The following ZNF513 variants were observed in gnomAD, a reference collection of about 807,000 sequenced individuals.
ZNF513 encodes zinc finger protein 513.
Under a neutral mutation model 39.7 loss-of-function variants are expected in ZNF513, and 16 were observed. The ratio of observed to expected loss-of-function variants is 0.40; its 90% CI spans 0.27 to 0.61. ZNF513 has a LOEUF of 0.61. ZNF513 is among the 20% of genes least tolerant of loss of function. The pLI, the probability that ZNF513 is intolerant of heterozygous loss-of-function variation, is 0.39. For missense variants in ZNF513, 699 were observed against 743.6 expected (o/e 0.94, Z 0.70); for synonymous variants, 348 against 296.5 (o/e 1.17, Z -1.79).
Position 27,377,591 on chromosome 2 carries a change from G to A in ZNF513, c.1580C>T (p.Ala527Val), listed in dbSNP as rs771161261. 6.2e-7 allele frequency: 1 copy of A among 1,614,104 alleles called. No individual in the cohort carries two copies. Among genetic ancestry groups the A allele is most frequent in the Non-Finnish European group, 8.5e-7 (1 of 1,180,044 alleles). ...PSVLSSRGPP[A>V]LGTAGSRAVH... The stretch of plus-strand genomic sequence containing the variant: ...AGCCCGGCTGCCAGCAGTCCCCAGG[G>A]CTGGTGGGCCCCGAGAGCTCAAAAC... Residue 527 changes from alanine (A) to valine (V), a missense_variant, in exon 4 of 4, where the codon GCC becomes GTC. Physicochemically the swap from Ala to Val is moderately conservative, Grantham distance 64 (BLOSUM62 0). Transcript: ENST00000323703. The surrounding 1 kb of genome is among the most constrained non-coding windows in gnomAD (Gnocchi z 4.4).
At position 27,378,744 on chromosome 2, in the gene ZNF513, T is replaced by G; in HGVS notation, c.522A>C (p.Gly174=). The G allele has an allele frequency of 6.2e-7, 1 of 1,613,998 alleles. No homozygotes were observed. Among genetic ancestry groups the G allele is most frequent in the South Asian group, 1.1e-5 (1 of 91,088 alleles). The change falls in exon 3 of 4, where the codon GGA becomes GGC. Residue 174 remains glycine (G), a synonymous_variant. Transcript: ENST00000323703. This position sits in a 1 kb window ranked among gnomAD's most constrained non-coding sequence, Gnocchi z 8.0. ...HLKRHMQTHS[G]EKPFRCGRCP... is the part of the protein sequence containing the mutation. ...AGCGGCCACAGCGGAACGGCTTCTCTCCGCTGTGTGTCTGCATGTGCCGCT... is the reference window on the plus strand; with the variant it reads ...AGCGGCCACAGCGGAACGGCTTCTCGCCGCTGTGTGTCTGCATGTGCCGCT...
At chr2:27,379,109 ACT>A (rs1383201714) in intron 2 of ZNF513, 55 bp from the exon 3 acceptor site, 10 of 1,558,138 alleles carry the variant, frequency 6.4e-6, no homozygotes, top group Admixed American at 1.7e-5. Flanking sequence ...CAGGCTCCAA[ACT>A]CTCCCCTTTT....
rs748869738 is a variant in ZNF513 at position 27,379,005 on chromosome 2, A to G, written c.261T>C (p.Asp87=). Residue 87 remains aspartate, a synonymous_variant, in exon 3 of 4, where the codon GAT becomes GAC. Coordinates refer to ENST00000323703, the MANE Select transcript of ZNF513 (RefSeq NM_144631.6). Reference sequence around the variant, plus strand: ...TTAGTGCCCGGCCGCCCCCAGACTCATCGTCGCTCAGCCCATAGGGAAGCC... The same window carrying G: ...TTAGTGCCCGGCCGCCCCCAGACTCGTCGTCGCTCAGCCCATAGGGAAGCC... ...RPGLPYGLSD[D]ESGGGRALSA... The G allele has an allele frequency of 3.1e-6, 5 of 1,613,104 alleles. No homozygotes were observed. The highest frequency in any genetic ancestry group is 2.2e-5 in the East Asian group (1 of 44,866).
chr2:27,378,708 G>C lies in ZNF513; in HGVS notation c.558C>G (p.Ala186=). The C allele has an allele frequency of 6.2e-7, 1 of 1,613,954 alleles. No homozygotes were observed. The highest frequency in any genetic ancestry group is 8.5e-7 in the Non-Finnish European group (1 of 1,179,978). ...KPFRCGRCPY[A]SAQLVNLTRH... ...GTGTCAGGTTGACGAGCTGGGCTGA[G>C]GCGTAGGGGCAGCGGCCACAGCGGA... is the stretch of plus-strand genomic sequence containing the variant. The change falls in exon 3 of 4, where the codon GCC becomes GCG. Residue 186 remains alanine (A), a synonymous_variant. Transcript: ENST00000323703. This position sits in a 1 kb window ranked among gnomAD's most constrained non-coding sequence, Gnocchi z 8.0.
rs949818559 is a variant in ZNF513, at chr2:27,377,293, G to T, written c.*252C>A. Reference sequence around the variant, plus strand: ...AATAAGTTAAATAAACAGGTGGGAGGCTGGGCAGTCCCCCAGCCGGTTTGT... The same window carrying T: ...AATAAGTTAAATAAACAGGTGGGAGTCTGGGCAGTCCCCCAGCCGGTTTGT... On this transcript the variant is annotated 3_prime_UTR_variant, in exon 4 of 4. Coordinates refer to ENST00000323703, the MANE Select transcript of ZNF513 (RefSeq NM_144631.6). This position sits in a 1 kb window ranked among gnomAD's most constrained non-coding sequence, Gnocchi z 4.4. The T allele has an allele frequency of 1.9e-5, 12 of 639,050 alleles. No individual in the cohort carries two copies. The highest frequency in any genetic ancestry group is 3.4e-5 in the Non-Finnish European group (12 of 355,656). The allele number at this position is 639,050 out of a possible 1,614,324, so 39.6% of individuals were successfully genotyped here. A position where few individuals can be genotyped will look rare whatever the true frequency, so the allele number is the denominator to read the frequency against.
intron 2 of ZNF513, 78 bp from the exon 3 acceptor site, chr2:27,379,132 C>A: frequency 1.4e-6 from 2 of 1,418,078 alleles, no homozygotes; most frequent in South Asian, 1.2e-5. Flanking sequence ...CACTTATGGT[C>A]TCCCCACTTG....
chr2:27,377,670 C>T lies in ZNF513; in HGVS notation c.1501G>A (p.Gly501Arg). Residue 501 changes from glycine to arginine, a missense_variant, in exon 4 of 4, where the codon GGG becomes AGG. Around this residue, in one of 3 missense-constraint regions of ZNF513, gnomAD observed 71 missense variants for 64.1 expected, o/e 1.11. Transcript: ENST00000323703. This position sits in a 1 kb window ranked among gnomAD's most constrained non-coding sequence, Gnocchi z 4.4. ...CCCTCAGAGGCAGAGAGACCAGGCCCTCCTGCCCCACCGTGGCCATGCACC... is the reference window on the plus strand; with the variant it reads ...CCCTCAGAGGCAGAGAGACCAGGCCTTCCTGCCCCACCGTGGCCATGCACC... ...QKVHGHGGAG[G>R]PGLSASEGWA... is the part of the protein sequence containing the mutation. 6.2e-7 allele frequency: 1 copy of T among 1,614,150 alleles called. No individual in the cohort carries two copies. The highest frequency in any genetic ancestry group is 8.5e-7 in the Non-Finnish European group (1 of 1,180,032).
chr2:27,378,933 G>T lies in ZNF513; in HGVS notation c.333C>A (p.Ala111=). ...VEEPARGPGE[A]RGERPGPACQ... The stretch of plus-strand genomic sequence containing the variant: ...AGGCTGGGCCTGGCCTCTCACCCCT[G>T]GCCTCCCCTGGACCCCTGGCTGGCT... The change falls in exon 3 of 4, where the codon GCC becomes GCA. Residue 111 remains alanine, a synonymous_variant. Coordinates refer to ENST00000323703, the MANE Select transcript of ZNF513 (RefSeq NM_144631.6). This position sits in a 1 kb window ranked among gnomAD's most constrained non-coding sequence, Gnocchi z 8.0. 6.2e-7 allele frequency: 1 copy of T among 1,609,538 alleles called. No homozygotes were observed. Among genetic ancestry groups the T allele is most frequent in the South Asian group, 1.1e-5 (1 of 90,750 alleles).
chr2:27,377,417 C>CAG lies in ZNF513; in HGVS notation c.*127_*128insCT. On this transcript the variant is annotated 3_prime_UTR_variant, in exon 4 of 4. Coordinates refer to ENST00000323703, the MANE Select transcript of ZNF513 (RefSeq NM_144631.6). This position sits in a 1 kb window ranked among gnomAD's most constrained non-coding sequence, Gnocchi z 4.4. ...CAAGGTCCCCTGGTCCATATGGGCC[C>CAG]CCCCGCCCATGGGGTTGGGCTGGTC... The CAG allele has an allele frequency of 9.6e-7, 1 of 1,041,080 alleles. No individual in the cohort carries two copies. Among genetic ancestry groups the CAG allele is most frequent in the Admixed American group, 2.0e-5 (1 of 50,778 alleles). The allele number at this position is 1,041,080 out of a possible 1,614,324, so 64.5% of individuals were successfully genotyped here. A position where few individuals can be genotyped will look rare whatever the true frequency, so the allele number is the denominator to read the frequency against.
rs758258701 is a variant in ZNF513 at position 27,377,644 on chromosome 2, G to A, written c.1527C>T (p.Gly509=). 4.3e-6 allele frequency: 7 copies of A among 1,614,154 alleles called. No homozygotes were observed. The East Asian group carries it at 8.9e-5, about 21-fold the overall frequency. ...AGGGTGGGCTATGAGGTGGGGCCCA[G>A]CCCTCAGAGGCAGAGAGACCAGGCC... ...AGGPGLSASE[G]WAPPHSPPSV... Residue 509 remains glycine, a synonymous_variant, in exon 4 of 4, where the codon GGC becomes GGT. Coordinates refer to ENST00000323703, the MANE Select transcript of ZNF513 (RefSeq NM_144631.6). This position sits in a 1 kb window ranked among gnomAD's most constrained non-coding sequence, Gnocchi z 4.4.
intron 2 of ZNF513, among the ~76,000 whole-genome samples, chr2:27,379,541 AAAG>A (rs1683526027): frequency 6.6e-6 from 1 of 152,228 alleles, no homozygotes; most frequent in Non-Finnish European, 1.5e-5. Flanking sequence ...TTGCCTGCCT[AAAG>A]AACAGATATT....
At chr2:27,380,050 T>G (rs766600904) in intron 2 of ZNF513, 43 bp downstream of exon 2, 1 of 1,612,496 alleles carries the variant, frequency 6.2e-7, no homozygotes, top group Non-Finnish European at 8.5e-7. Context: ...AGGGCTGGGG[T>G]CTCCAGCGGC....
rs1490403538 is a variant in ZNF513, at chr2:27,379,020, A to G, written c.246T>C (p.Tyr82=). ...DSLGARPGLP[Y]GLSDDESGGG... is the part of the protein sequence containing the mutation. ...CCCCAGACTCATCGTCGCTCAGCCC[A>G]TAGGGAAGCCCAGGCCTGGCCCCCA... Residue 82 remains tyrosine (Y), a synonymous_variant, in exon 3 of 4, where the codon TAT becomes TAC. Coordinates refer to ENST00000323703, the MANE Select transcript of ZNF513 (RefSeq NM_144631.6). 9.3e-6 allele frequency: 15 copies of G among 1,612,940 alleles called. No homozygotes were observed. The Admixed American group carries it at 1.8e-4, about 20-fold the overall frequency.
In ZNF513 at chr2:27,378,627, A is replaced by G; in HGVS notation, c.639T>C (p.Phe213=). 6.2e-7 allele frequency: 1 copy of G among 1,613,942 alleles called. No homozygotes were observed. Among genetic ancestry groups the G allele is most frequent in the Non-Finnish European group, 8.5e-7 (1 of 1,179,978 alleles). ...EKPYRCPHCP[F]ACSSLGNLRR... is the part of the protein sequence containing the mutation. ...TCAGGTTGCCCAGGCTGCTGCAGGCAAAGGGGCAGTGGGGACAGCGGTAGG... is the reference window on the plus strand; with the variant it reads ...TCAGGTTGCCCAGGCTGCTGCAGGCGAAGGGGCAGTGGGGACAGCGGTAGG... Residue 213 remains phenylalanine (F), a synonymous_variant, in exon 3 of 4, where the codon TTT becomes TTC. Coordinates refer to ENST00000323703, the MANE Select transcript of ZNF513 (RefSeq NM_144631.6). The surrounding 1 kb of genome is among the most constrained non-coding windows in gnomAD (Gnocchi z 8.0).
chr2:27,379,223 T>C (rs1683505252), intron 2 of ZNF513, among the ~76,000 whole-genome samples, 169 bp from the exon 3 acceptor site: 2 of 152,118 alleles, frequency 1.3e-5, no homozygotes, highest in African/African-American at 2.4e-5. Context: ...TTCCAGAAAA[T>C]TCAACATGAA....
rs563171952 is a variant in ZNF513 at position 27,380,574 on chromosome 2, C to G, written c.-48G>C. Reference sequence around the variant, plus strand: ...CGCCTCCGGCCTGCGGCCGCCCGACCCCGCCCCTCCTATCTCGGCCCGCCT... The same window carrying G: ...CGCCTCCGGCCTGCGGCCGCCCGACGCCGCCCCTCCTATCTCGGCCCGCCT... On this transcript the variant is annotated 5_prime_UTR_variant, in exon 1 of 4. Coordinates refer to ENST00000323703, the MANE Select transcript of ZNF513 (RefSeq NM_144631.6). The G allele has an allele frequency of 2.4e-4, 373 of 1,538,740 alleles. No homozygotes were observed. Among genetic ancestry groups the G allele is most frequent in the Non-Finnish European group, 3.1e-4 (357 of 1,137,624 alleles).
In ZNF513 at chr2:27,378,670, G is replaced by C; in HGVS notation, c.596C>G (p.Thr199Ser). 6.2e-7 allele frequency: 1 copy of C among 1,613,818 alleles called. No individual in the cohort carries two copies. The highest frequency in any genetic ancestry group is 8.5e-7 in the Non-Finnish European group (1 of 1,179,958). ...GCGGTAGGGCTTCTCGCCAGTGTGGGTGCGGGTATGTCGTGTCAGGTTGAC... is the reference window on the plus strand; with the variant it reads ...GCGGTAGGGCTTCTCGCCAGTGTGGCTGCGGGTATGTCGTGTCAGGTTGAC... ...QLVNLTRHTR[T>S]HTGEKPYRCP... Residue 199 changes from threonine (T) to serine (S), a missense_variant, in exon 3 of 4, where the codon ACC (threonine) becomes AGC (serine). Around this residue, in one of 3 missense-constraint regions of ZNF513, gnomAD observed 530 missense variants for 499.3 expected, o/e 1.06. Transcript: ENST00000323703. The surrounding 1 kb of genome is among the most constrained non-coding windows in gnomAD (Gnocchi z 8.0).
chr2:27,378,510 G>T lies in ZNF513; in HGVS notation c.756C>A (p.Pro252=). The T allele has an allele frequency of 6.2e-7, 1 of 1,614,168 alleles. No individual in the cohort carries two copies. The highest frequency in any genetic ancestry group is 1.3e-5 in the African/African-American group (1 of 75,074). ...RCCTPRPARP[P]SPTEQEGAVP... ...CCGCCCCCTCCTGCTCTGTGGGACTGGGAGGCCGGGCTGGTCGTGGAGTAC... is the reference window on the plus strand; with the variant it reads ...CCGCCCCCTCCTGCTCTGTGGGACTTGGAGGCCGGGCTGGTCGTGGAGTAC... The change falls in exon 3 of 4, where the codon CCC becomes CCA. Residue 252 remains proline (P), a synonymous_variant. Transcript: ENST00000323703. The surrounding 1 kb of genome is among the most constrained non-coding windows in gnomAD (Gnocchi z 8.0).
At position 27,378,069 on chromosome 2, in the gene ZNF513, C is replaced by T. The variant is rs1361644120; in HGVS notation, c.1102G>A (p.Ala368Thr). The T allele has an allele frequency of 3.7e-6, 6 of 1,610,868 alleles. No homozygotes were observed. Among genetic ancestry groups the T allele is most frequent in the Non-Finnish European group, 5.1e-6 (6 of 1,177,912 alleles). Residue 368 changes from alanine to threonine, a missense_variant, in exon 4 of 4, where the codon GCC becomes ACC. Around this residue, in one of 3 missense-constraint regions of ZNF513, gnomAD observed 530 missense variants for 499.3 expected, o/e 1.06. Transcript: ENST00000323703. This position sits in a 1 kb window ranked among gnomAD's most constrained non-coding sequence, Gnocchi z 8.0. ...GCCAGGTGGTTGGGATAGTGAGTGG[C>T]AAAGGGGCAGAGGCTACAGGCAAAG... ...KGFACSLCPF[A>T]THYPNHLARH... is the part of the protein sequence containing the mutation.
Sources: allele counts gnomAD v4.1 joint callset (sites outside exome capture counted in the v4.1 genomes callset), GRCh38; gene constraint gnomAD v4.1.1; regional missense constraint gnomAD v4.1.1; non-coding constraint Gnocchi (gnomAD v3.1); transcripts MANE v1.5; gene names NCBI Gene and HGNC (gene_info 2026-07-23, HGNC 2026-07-21).